The following ST6GAL2 variants were observed in gnomAD, a reference collection of about 807,000 sequenced individuals.
ST6GAL2 encodes beta-galactoside alpha-2,6-sialyltransferase 2.
A neutral mutation model predicts 37.5 loss-of-function variants in ST6GAL2; 24 were observed. That is an observed-to-expected ratio of 0.64 (90% CI 0.46 to 0.90). The LOEUF (loss-of-function observed/expected upper bound fraction) is 0.90, where lower values mean the gene tolerates loss of function less well. Ranked by LOEUF, ST6GAL2 falls within the 40% of genes least tolerant of loss-of-function variation. The probability of loss-of-function intolerance (pLI) is 0.00; values close to 1 mark genes in which losing one functional copy is unlikely to be tolerated. For synonymous variants in ST6GAL2, 306 were observed against 295.1 expected, an observed-to-expected ratio of 1.04 and a Z score of -0.38; for missense variants, 715 against 712.7, an observed-to-expected ratio of 1.00 and a Z score of -0.04.
chr2:106,875,277 G>GCT (rs1678456746), intron 1 of ST6GAL2, among the ~76,000 whole-genome samples: 10 of 150,864 alleles, frequency 6.6e-5, no homozygotes, highest in African/African-American at 2.4e-4. Flanking sequence ...CCAGGATCAA[G>GCT]CAATGCCCCC....
At chr2:106,874,703 T>C (rs1345450544) in intron 1 of ST6GAL2, among the ~76,000 whole-genome samples, 2 of 152,218 alleles carry the variant, frequency 1.3e-5, no homozygotes, top group African/African-American at 2.4e-5. Context: ...AAACAGGTGA[T>C]GCTGAAGCCC....
chr2:106,880,000 A>G (rs1678682907), intron 1 of ST6GAL2, among the ~76,000 whole-genome samples: 1 of 149,200 alleles, frequency 6.7e-6, no homozygotes, highest in Non-Finnish European at 1.5e-5. Context: ...CCAATTATAT[A>G]CTATTATAGA....
chr2:106,886,604 C>T (rs893512163), upstream of ST6GAL2: 1 of 151,852 alleles, frequency 6.6e-6, no homozygotes, highest in Non-Finnish European at 1.5e-5. Context: ...GGCCCCGAGC[C>T]CCGGGGAGAG....
chr2:106,882,105 C>G (rs909321767), intron 1 of ST6GAL2, among the ~76,000 whole-genome samples: 6 of 152,210 alleles, frequency 3.9e-5, no homozygotes, highest in Non-Finnish European at 8.8e-5. Context: ...AAAACCTTTT[C>G]TGCTTCCAGG....
chr2:106,803,627 C>T lies in ST6GAL2; in HGVS notation c.*3051G>A, dbSNP rs919118354. 28 of 151,496 alleles carry T rather than the reference C, an allele frequency of 1.8e-4. No homozygotes were observed. The highest frequency in any genetic ancestry group is 6.5e-4 in the African/African-American group (27 of 41,290). 9.4% of individuals were successfully genotyped at this position (151,496 alleles called of 1,614,324 possible). On this transcript the variant is annotated 3_prime_UTR_variant, in exon 6 of 6. Transcript: ENST00000409382. ...TGTTTCTTTGTAACAACAACAACAA[C>T]AACAACAACAACAACAACAACAACA...
chr2:106,871,115 G>A (rs989467632), intron 1 of ST6GAL2, among the ~76,000 whole-genome samples: 3 of 152,158 alleles, frequency 2.0e-5, no homozygotes, highest in Admixed American at 1.3e-4. Flanking sequence ...CTGCAAACGT[G>A]TACAGCATGT....
At chr2:106,858,253 T>C (rs975589420) in intron 1 of ST6GAL2, among the ~76,000 whole-genome samples, 2 of 152,218 alleles carry the variant, frequency 1.3e-5, no homozygotes, top group East Asian at 3.9e-4. Context: ...CTGCTCTGTA[T>C]TGAAGTCTAG....
rs1675291205 is a variant in ST6GAL2 at position 106,802,551 on chromosome 2, A to G, written c.*4127T>C. The G allele has an allele frequency of 6.6e-6, 1 of 152,214 alleles. No homozygotes were observed. The highest frequency in any genetic ancestry group is 6.5e-5 in the Admixed American group (1 of 15,284). The allele number at this position is 152,214 out of a possible 1,614,324, so 9.4% of individuals were successfully genotyped here. On this transcript the variant is annotated 3_prime_UTR_variant, in exon 6 of 6. Transcript: ENST00000409382. ...CCTTTCATTTATCAAGTGTGTAAATAATGCCCATGTGACAGAAACATGCAT... is the reference window on the plus strand; with the variant it reads ...CCTTTCATTTATCAAGTGTGTAAATGATGCCCATGTGACAGAAACATGCAT...
In ST6GAL2 at chr2:106,883,801, C is replaced by T. The variant is rs189018570; in HGVS notation, c.-58+2292G>A. Among the ~76,000 whole-genome samples the T allele has an allele frequency of 1.8e-4, 27 of 152,252 alleles. 1 individual carries two copies. The highest frequency in any genetic ancestry group is 6.3e-4 in the African/African-American group (26 of 41,544). ...ACACAATACATTTAAAGAGCAAATG[C>T]ATTAACAAAGACTGTCCTTATTATC... On this transcript the variant is annotated intron_variant, in intron 1 of 5. Transcript: ENST00000409382.
chr2:106,811,696 C>T (rs555528159), intron 5 of ST6GAL2, among the ~76,000 whole-genome samples: 1 of 152,224 alleles, frequency 6.6e-6, no homozygotes, highest in African/African-American at 2.4e-5. Flanking sequence ...AATGCTGAGC[C>T]TTGTCATTCA....
At chr2:106,822,843 T>A (rs942212634) in intron 5 of ST6GAL2, 1 of 152,192 alleles carries the variant, frequency 6.6e-6, no homozygotes, top group African/African-American at 2.4e-5. Context: ...CTTATTAATA[T>A]TGAAGTAAGC....
intron 1 of ST6GAL2, among the ~76,000 whole-genome samples, chr2:106,881,662 T>G (rs1166032097): frequency 6.6e-6 from 1 of 152,198 alleles, no homozygotes; most frequent in Non-Finnish European, 1.5e-5. Flanking sequence ...AAACCACAAT[T>G]ACCAACATGC....
At chr2:106,817,905 G>A (rs1675862209) in intron 5 of ST6GAL2, among the ~76,000 whole-genome samples, 1 of 152,124 alleles carries the variant, frequency 6.6e-6, no homozygotes, top group African/African-American at 2.4e-5. Flanking sequence ...GAGTCCTTGG[G>A]CCTTAAATGT....
intron 1 of ST6GAL2, among the ~76,000 whole-genome samples, chr2:106,878,594 C>A (rs1262789674): frequency 3.3e-5 from 5 of 152,140 alleles, no homozygotes; most frequent in African/African-American, 1.2e-4. Context: ...AGACCCCTAT[C>A]TCTCAAATAG....
chr2:106,836,773 C>CAAAAAAAAACA (rs1676658638), intron 2 of ST6GAL2, among the ~76,000 whole-genome samples: 1 of 70,264 alleles, frequency 1.4e-5, no homozygotes, highest in African/African-American at 6.0e-5. Context: ...ACTAAAAATA[C>CAAAAAAAAACA]AAAAAAAAAA....
intron 1 of ST6GAL2, among the ~76,000 whole-genome samples, chr2:106,865,727 G>C (rs1360330231): frequency 6.6e-6 from 1 of 152,066 alleles, no homozygotes; most frequent in African/African-American, 2.4e-5. Flanking sequence ...TTAGACACAA[G>C]GAAACAAAGG....
intron 1 of ST6GAL2, among the ~76,000 whole-genome samples, chr2:106,874,193 T>G (rs1352281980): frequency 6.6e-6 from 1 of 152,152 alleles, no homozygotes; most frequent in East Asian, 1.9e-4. Context: ...GAGTAGCAAG[T>G]GTAGCAACAG....
rs747936826 is a variant in ST6GAL2, at chr2:106,830,259, A to G, written c.1144-19T>C. ...TGTACCACTAAGGAAAAAAAAATCAATGCAGTCAAGTAGAAAGAACTAAAC... is the reference window on the plus strand; with the variant it reads ...TGTACCACTAAGGAAAAAAAAATCAGTGCAGTCAAGTAGAAAGAACTAAAC... On this transcript the variant is annotated intron_variant, in intron 4 of 5. Transcript: ENST00000409382. 1.2e-6 allele frequency: 2 copies of G among 1,600,680 alleles called. No homozygotes were observed.
At chr2:106,867,975 T>C (rs1678106178) in intron 1 of ST6GAL2, among the ~76,000 whole-genome samples, 1 of 152,210 alleles carries the variant, frequency 6.6e-6, no homozygotes, top group African/African-American at 2.4e-5. Flanking sequence ...TATTATTATA[T>C]AAGAAGGTAA....
Sources: allele counts gnomAD v4.1 joint callset (sites outside exome capture counted in the v4.1 genomes callset), GRCh38; gene constraint gnomAD v4.1.1; transcripts MANE v1.5; gene names NCBI Gene and HGNC (gene_info 2026-07-23, HGNC 2026-07-21).